Variants in ITIH5 observed in about 807,000 individuals in gnomAD.
The protein encoded by ITIH5 is inter-alpha-trypsin inhibitor heavy chain H5.
In ITIH5, 65 loss-of-function variants were observed where a neutral mutation model predicts 77.5. The observed-to-expected ratio is 0.84, with a 90% CI of 0.69 to 1.03. The LOEUF (loss-of-function observed/expected upper bound fraction) is 1.03. Ranked by LOEUF, ITIH5 falls within the 50% of genes least tolerant of loss-of-function variation. The pLI, the probability that ITIH5 is intolerant of heterozygous loss-of-function variation, is 0.00. For missense variants in ITIH5, 1,208 were observed against 1,213.1 expected, an observed-to-expected ratio of 1.00 and a Z score of 0.06; for synonymous variants, 525 against 494.3, an observed-to-expected ratio of 1.06 and a Z score of -0.82.
At position 7,563,118 on chromosome 10, in the gene ITIH5, T is replaced by TGGATG; in HGVS notation, c.2793_2794insCATCC (p.Met932HisfsTer3). Reference sequence around the variant, plus strand: ...CTGGACATTCCCCGGCCAAGTGTCATCCCTGTGTCAAATGGATGGGATGCC... The same window carrying TGGATG: ...CTGGACATTCCCCGGCCAAGTGTCATGGATGCCCTGTGTCAAATGGATGGGATGCC... On this transcript the variant is annotated frameshift_variant, in exon 14 of 14. Transcript: ENST00000397146. LOFTEE classifies it low-confidence loss of function (END_TRUNC). 1 of 1,613,614 alleles carries TGGATG rather than the reference T, an allele frequency of 6.2e-7. No homozygotes were observed. The highest frequency in any genetic ancestry group is 8.5e-7 in the Non-Finnish European group (1 of 1,179,816).
At chr10:7,643,993 C>T (rs940973916) in intron 2 of ITIH5, among the ~76,000 whole-genome samples, 3 of 152,190 alleles carry the variant, frequency 2.0e-5, no homozygotes, top group African/African-American at 4.8e-5. Flanking sequence ...GTAGTCCCAG[C>T]ACTTTGGGAG....
At chr10:7,590,893 A>G in intron 7 of ITIH5, among the ~76,000 whole-genome samples, 1 of 152,006 alleles carries the variant, frequency 6.6e-6, no homozygotes, top group East Asian at 1.9e-4. Flanking sequence ...ATAAAGTCTA[A>G]TGTCTCTTAT....
rs534174382 is a variant in ITIH5, at chr10:7,659,549, G to A, written c.91-3874C>T. Among the ~76,000 whole-genome samples, 852 of 152,150 alleles carry A rather than the reference G, an allele frequency of 5.6e-3. 2 individuals carry two copies. Among genetic ancestry groups the A allele is most frequent in the Non-Finnish European group, 7.5e-3 (508 of 67,994 alleles). On this transcript the variant is annotated intron_variant, in intron 1 of 13. Transcript: ENST00000397146. Reference sequence around the variant, plus strand: ...CTCCCTAAATTGTGGAGCAGCCTGGGGACCACTTAAAATAACTATGGTCAG... The same window carrying A: ...CTCCCTAAATTGTGGAGCAGCCTGGAGACCACTTAAAATAACTATGGTCAG...
At chr10:7,633,892 A>G (rs955808182) in intron 5 of ITIH5, among the ~76,000 whole-genome samples, 2 of 151,954 alleles carry the variant, frequency 1.3e-5, no homozygotes, top group South Asian at 2.1e-4. Flanking sequence ...GATCGAGACC[A>G]TCCTGGCTAA....
rs191421761 is a variant in ITIH5, at chr10:7,561,604, C to G, written c.*1479G>C. 39 of 152,348 alleles carry G rather than the reference C, an allele frequency of 2.6e-4. No individual in the cohort carries two copies. The highest frequency in any genetic ancestry group is 5.0e-4 in the Non-Finnish European group (34 of 68,062). The allele number at this position is 152,348 out of a possible 1,614,324, so 9.4% of individuals were successfully genotyped here. On this transcript the variant is annotated 3_prime_UTR_variant, in exon 14 of 14. Coordinates refer to ENST00000397146, the MANE Select transcript of ITIH5 (RefSeq NM_030569.7). ...GCAGAGAGAGACGAGCCCAGATAGT[C>G]CCCCAGCGCTAACTTGTTCCCGAAG...
chr10:7,616,202 AGAGTTTAGGGT>A, intron 6 of ITIH5, 104 bp from the exon 7 acceptor site: 1 of 714,104 alleles, frequency 1.4e-6, no homozygotes, highest in East Asian at 2.6e-5. Flanking sequence ...AGCATGACAA[AGAGTTTAGGGT>A]GAGATTCCAC....
chr10:7,624,900 CATACAT>C (rs1309676373), intron 5 of ITIH5, among the ~76,000 whole-genome samples: 4 of 26,182 alleles, frequency 1.5e-4, no homozygotes, highest in Non-Finnish European at 2.5e-4. Context: ...TATATATATA[CATACAT>C]ATATATATAT....
At chr10:7,634,376 C>G (rs1039479865) in intron 5 of ITIH5, among the ~76,000 whole-genome samples, 1 of 152,176 alleles carries the variant, frequency 6.6e-6, no homozygotes, top group Non-Finnish European at 1.5e-5. Flanking sequence ...ACAATAACCG[C>G]TGAGCTCTGA....
At chr10:7,585,113 G>A (rs905607853) in intron 8 of ITIH5, among the ~76,000 whole-genome samples, 1 of 152,210 alleles carries the variant, frequency 6.6e-6, no homozygotes, top group Non-Finnish European at 1.5e-5. Context: ...AGGAGGTGGT[G>A]TCTCTGTACA....
rs896202387 is a variant in ITIH5, at chr10:7,631,561, G to A, written c.652+5667C>T. Among the ~76,000 whole-genome samples the A allele has an allele frequency of 4.6e-5, 7 of 152,218 alleles. No homozygotes were observed. In the East Asian group the frequency reaches 5.8e-4, roughly 13 times the overall value. On this transcript the variant is annotated intron_variant, in intron 5 of 13. Transcript: ENST00000397146. ...AAGACTGTATTACGAAGACTGCACC[G>A]GCCCACTGAGCTTGGCTATTGGGAT...
chr10:7,661,535 G>T (rs1466984179), intron 1 of ITIH5, among the ~76,000 whole-genome samples: 2 of 152,128 alleles, frequency 1.3e-5, no homozygotes, highest in African/African-American at 4.8e-5. Flanking sequence ...ATTCCCATTT[G>T]GGTAATTCTA....
intron 1 of ITIH5, 105 bp from the exon 2 acceptor site, chr10:7,655,780 T>C: frequency 1.2e-6 from 1 of 866,660 alleles, no homozygotes; most frequent in Non-Finnish European, 1.9e-6. Flanking sequence ...GGGGTTAAAA[T>C]CTATTCAGAT....
In ITIH5 at chr10:7,599,993, G is replaced by A. The variant is rs553783556; in HGVS notation, c.940-13924C>T. Among the ~76,000 whole-genome samples, 8 of 152,280 alleles carry A rather than the reference G, an allele frequency of 5.3e-5. No homozygotes were observed. In the South Asian group the frequency reaches 1.5e-3, roughly 28 times the overall value. ...ACTTAACTGTTGGGGATTGAGAGGT[G>A]CTCTGGTTACTTTTTCTTATCTTCC... On this transcript the variant is annotated intron_variant, in intron 7 of 13. Transcript: ENST00000397146.
intron 1 of ITIH5, among the ~76,000 whole-genome samples, chr10:7,659,021 C>A (rs1397317867): frequency 6.6e-6 from 1 of 152,080 alleles, no homozygotes; most frequent in Non-Finnish European, 1.5e-5. Context: ...GGCGGGCCTT[C>A]AAATTTTATT....
Position 7,572,467 on chromosome 10 carries a change from T to C in ITIH5, c.2032+675A>G. Reference sequence around the variant, plus strand: ...GACATTTTTATTTTGGTAGCACCATTTTATGTTTATGATAGCAGAGGCTGG... The same window carrying C: ...GACATTTTTATTTTGGTAGCACCATCTTATGTTTATGATAGCAGAGGCTGG... On this transcript the variant is annotated intron_variant, in intron 11 of 13. Transcript: ENST00000397146. 5 of 1,316,546 alleles carry C rather than the reference T, an allele frequency of 3.8e-6. 1 individual carries two copies. The highest frequency in any genetic ancestry group is 5.0e-6 in the Non-Finnish European group (5 of 1,000,918). The allele number at this position is 1,316,546 out of a possible 1,614,324, so 81.6% of individuals were successfully genotyped here. A position where few individuals can be genotyped will look rare whatever the true frequency, so the allele number is the denominator to read the frequency against.
chr10:7,644,247 AT>A (rs749641749), intron 2 of ITIH5, among the ~76,000 whole-genome samples: 1,578 of 135,304 alleles, frequency 0.012, 34 homozygotes, highest in African/African-American at 0.043. Context: ...CAGAAAAAAA[AT>A]ATATATATAT....
chr10:7,601,891 C>T (rs188056856), intron 7 of ITIH5, among the ~76,000 whole-genome samples: 4 of 152,276 alleles, frequency 2.6e-5, no homozygotes, highest in South Asian at 2.1e-4. Flanking sequence ...CTCCCTCTGT[C>T]GCCCAGGCTG....
chr10:7,652,622 G>A (rs976013007), intron 2 of ITIH5, among the ~76,000 whole-genome samples: 1 of 152,156 alleles, frequency 6.6e-6, no homozygotes, highest in African/African-American at 2.4e-5. Flanking sequence ...AATGGTCTAA[G>A]CTAAGGAGTC....
chr10:7,634,298 C>T (rs534561405), intron 5 of ITIH5, among the ~76,000 whole-genome samples: 10 of 152,200 alleles, frequency 6.6e-5, no homozygotes, highest in Admixed American at 2.6e-4. Flanking sequence ...TCTGGAAAAA[C>T]ACAGCCCTGT....
Sources: gnomAD v4.1 joint callset for allele counts (sites outside exome capture counted in the v4.1 genomes callset) on GRCh38, gnomAD v4.1.1 for gene constraint, MANE v1.5 for transcripts, NCBI Gene and HGNC (gene_info 2026-07-23, HGNC 2026-07-21) for gene names.